The following ZBTB16 variants were observed in gnomAD, a reference collection of about 807,000 sequenced individuals.
ZBTB16 encodes zinc finger and BTB domain containing 16, also known as zinc finger and BTB domain-containing protein 16.
ZBTB16 carries 8 observed loss-of-function variants against 56.8 expected under a neutral mutation model. That is an observed-to-expected ratio of 0.14 (90% CI 0.08 to 0.25). The LOEUF (loss-of-function observed/expected upper bound fraction) is 0.25. Ranked by LOEUF, ZBTB16 falls within the 10% of genes least tolerant of loss-of-function variation. The pLI, the probability that ZBTB16 is intolerant of heterozygous loss-of-function variation, is 1.00. For synonymous variants in ZBTB16, 363 were observed against 368.5 expected (o/e 0.98, Z 0.17); for missense variants, 625 against 903.0 (o/e 0.69, Z 3.95).
chr11:114,185,215 A>G (rs1479411602), intron 3 of ZBTB16, among the ~76,000 whole-genome samples: 1 of 152,138 alleles, frequency 6.6e-6, no homozygotes, highest in Admixed American at 6.5e-5. Context: ...TCTCAAAAAC[A>G]ATGACAACAA....
At chr11:114,246,517 G>T (rs1354474851) in intron 5 of ZBTB16, among the ~76,000 whole-genome samples, 1 of 152,138 alleles carries the variant, frequency 6.6e-6, no homozygotes, top group Non-Finnish European at 1.5e-5. Context: ...TGCGAAAGTG[G>T]CATAAAAATG....
At chr11:114,210,619 T>C in intron 4 of ZBTB16, 1 of 226,846 alleles carries the variant, frequency 4.4e-6, no homozygotes, top group Non-Finnish European at 8.8e-6. Context: ...ACCAAGAGCG[T>C]CTGTCTTCTT....
At chr11:114,172,326 T>C (rs1311418099) in intron 3 of ZBTB16, among the ~76,000 whole-genome samples, 3 of 152,184 alleles carry the variant, frequency 2.0e-5, no homozygotes, top group Non-Finnish European at 4.4e-5. Context: ...CCAGAGATAA[T>C]GACAGTGGCA....
rs552278222 is a variant in ZBTB16 at position 114,192,393 on chromosome 11, G to A, written c.1453+5355G>A. 4.6e-5 allele frequency among the ~76,000 whole-genome samples: 7 copies of A among 152,330 alleles called. No homozygotes were observed. The South Asian group carries it at 1.4e-3, about 32-fold the overall frequency. On this transcript the variant is annotated intron_variant, in intron 4 of 6. Coordinates refer to ENST00000335953, the MANE Select transcript of ZBTB16 (RefSeq NM_006006.6). ...AGGCTGGACTCTCCTTCTCAGTAGG[G>A]AAGTGACAGAAACCTATAGGGAAGG...
intron 4 of ZBTB16, among the ~76,000 whole-genome samples, chr11:114,240,332 G>A (rs1301341652): frequency 6.6e-6 from 1 of 152,172 alleles, no homozygotes; most frequent in Non-Finnish European, 1.5e-5. Context: ...TATCTCCATT[G>A]ATGGCCAGGA....
rs1009143269 is a variant in ZBTB16, at chr11:114,106,574, G to A, written c.1268+42006G>A. Among the ~76,000 whole-genome samples, 5 of 151,370 alleles carry A rather than the reference G, an allele frequency of 3.3e-5. No individual in the cohort carries two copies. In the South Asian group the frequency reaches 6.3e-4, roughly 19 times the overall value. On this transcript the variant is annotated intron_variant, in intron 2 of 6. Coordinates refer to ENST00000335953, the MANE Select transcript of ZBTB16 (RefSeq NM_006006.6). Reference sequence around the variant, plus strand: ...CAGTCTCCACCTCCTGGGTTCAAGCGATTCTCCTGCCTCAGCCTCCCAAGT... The same window carrying A: ...CAGTCTCCACCTCCTGGGTTCAAGCAATTCTCCTGCCTCAGCCTCCCAAGT...
chr11:114,169,726 C>T (rs1360881883), intron 3 of ZBTB16, among the ~76,000 whole-genome samples: 1 of 152,092 alleles, frequency 6.6e-6, no homozygotes, highest in Non-Finnish European at 1.5e-5. Context: ...ATTGTGACCG[C>T]AAGAGGAAAG....
intron 4 of ZBTB16, among the ~76,000 whole-genome samples, chr11:114,219,285 CCCAA>C (rs907427135): frequency 1.7e-4 from 26 of 152,062 alleles, no homozygotes; most frequent in African/African-American, 5.8e-4. Context: ...AACAAAAAGC[CCCAA>C]CCAACCAACC....
chr11:114,124,876 C>T (rs1941462061), intron 2 of ZBTB16, among the ~76,000 whole-genome samples: 1 of 152,196 alleles, frequency 6.6e-6, no homozygotes, highest in Admixed American at 6.5e-5. Context: ...GAGGAGAGTT[C>T]ATGAGCAAGA....
intron 4 of ZBTB16, among the ~76,000 whole-genome samples, chr11:114,203,018 G>A (rs560706383): frequency 1.3e-5 from 2 of 152,222 alleles, no homozygotes; most frequent in Admixed American, 6.5e-5. Flanking sequence ...ATTCATAGCA[G>A]TGTTGTTCAC....
intron 5 of ZBTB16, among the ~76,000 whole-genome samples, chr11:114,244,606 C>T (rs986765931): frequency 3.9e-5 from 6 of 151,964 alleles, no homozygotes; most frequent in African/African-American, 1.2e-4. Context: ...GATGGGGATA[C>T]GTGTGTGTTG....
chr11:114,235,745 TTTCCTTCC>T (rs1339497685), intron 4 of ZBTB16, among the ~76,000 whole-genome samples: 6 of 149,714 alleles, frequency 4.0e-5, no homozygotes, highest in African/African-American at 7.4e-5. Context: ...TTTTCTTTTC[TTTCCTTCC>T]TTCCTTCCTT....
At chr11:114,171,936 G>A (rs1942979742) in intron 3 of ZBTB16, among the ~76,000 whole-genome samples, 1 of 152,270 alleles carries the variant, frequency 6.6e-6, no homozygotes, top group African/African-American at 2.4e-5. Flanking sequence ...TGAAGAGCAG[G>A]ACGTTTATGA....
intron 3 of ZBTB16, among the ~76,000 whole-genome samples, chr11:114,181,990 A>G (rs1243766547): frequency 1.3e-5 from 2 of 152,226 alleles, no homozygotes; most frequent in Admixed American, 6.5e-5. Context: ...CTCCCTGACT[A>G]CGCTGTGTAA....
chr11:114,213,431 C>T lies in ZBTB16; in HGVS notation c.1453+26393C>T, dbSNP rs990118518. ...AAATCCTCATTCCTTTCCATTCCCT[C>T]CATTCCCATTCACATTAAATTAGCG... On this transcript the variant is annotated intron_variant, in intron 4 of 6. Transcript: ENST00000335953. Among the ~76,000 whole-genome samples the T allele has an allele frequency of 1.3e-4, 20 of 152,322 alleles. 1 individual carries two copies. The highest frequency in any genetic ancestry group is 4.6e-4 in the African/African-American group (19 of 41,576).
chr11:114,175,240 T>G (rs1943078081), intron 3 of ZBTB16, among the ~76,000 whole-genome samples: 1 of 152,174 alleles, frequency 6.6e-6, no homozygotes, highest in Non-Finnish European at 1.5e-5. Flanking sequence ...ACCAATACTT[T>G]CACTCCTTCC....
chr11:114,202,580 T>C (rs569300873), intron 4 of ZBTB16, among the ~76,000 whole-genome samples: 20 of 152,320 alleles, frequency 1.3e-4, no homozygotes, highest in Admixed American at 1.2e-3. Context: ...AATGCAGATA[T>C]TTGGGCGTGG....
intron 4 of ZBTB16, chr11:114,210,626 T>G (rs1943980706): frequency 4.4e-6 from 1 of 226,512 alleles, no homozygotes; most frequent in Admixed American, 5.7e-5. Flanking sequence ...GCGTCTGTCT[T>G]CTTCTCCTCA....
chr11:114,087,148 C>G (rs539186753), intron 2 of ZBTB16, among the ~76,000 whole-genome samples: 2 of 152,302 alleles, frequency 1.3e-5, no homozygotes, highest in East Asian at 1.9e-4. Flanking sequence ...CTGGTAGTTT[C>G]TCTTCTCACG....
Sources: gnomAD v4.1 joint callset for allele counts (sites outside exome capture counted in the v4.1 genomes callset) on GRCh38, gnomAD v4.1.1 for gene constraint, MANE v1.5 for transcripts, NCBI Gene and HGNC (gene_info 2026-07-23, HGNC 2026-07-21) for gene names.